Variants in RAVER1 observed in about 807,000 individuals in gnomAD.
RAVER1 encodes the protein ribonucleoprotein PTB-binding 1.
Under a neutral mutation model 68.4 loss-of-function variants are expected in RAVER1, and 36 were observed. The observed-to-expected ratio is 0.53, with a 90% confidence interval of 0.40 to 0.70. RAVER1 has a LOEUF of 0.70. Ranked by LOEUF, RAVER1 falls within the 30% of genes least tolerant of loss-of-function variation. The pLI, the probability that RAVER1 is intolerant of heterozygous loss-of-function variation, is 0.00. For missense variants in RAVER1, 933 were observed against 1,019.8 expected (o/e 0.91, Z 1.16); for synonymous variants, 469 against 472.7 (o/e 0.99, Z 0.10).
rs762970004 is a variant in RAVER1, at chr19:10,320,893, T to A, written c.1532A>T (p.Asn511Ile). ...GCTGGCCGGGAGCAGGCTGTGTAGG[T>A]TCAGGTAGGGATTCAGGGGAATCCG... The part of the protein sequence containing the change: ...DYRIPLNPYL[N>I]LHSLLPASNL... Residue 511 changes from asparagine to isoleucine, a missense_variant, in exon 9 of 13, where the codon AAC becomes ATC. Coordinates refer to ENST00000617231, the MANE Select transcript of RAVER1 (RefSeq NM_133452.3). The A allele has an allele frequency of 6.6e-7, 1 of 1,513,804 alleles. No individual in the cohort carries two copies. The highest frequency in any genetic ancestry group is 1.3e-5 in the South Asian group (1 of 74,926). 93.8% of individuals were successfully genotyped at this position (1,513,804 alleles called of 1,614,324 possible).
In RAVER1 at chr19:10,328,716, G is replaced by T; in HGVS notation, c.682C>A (p.Leu228Met). Residue 228 changes from leucine to methionine, a missense_variant, in exon 3 of 13, where the codon CTG (leucine) becomes ATG (methionine). Leu to Met is a conservative substitution (Grantham distance 15, BLOSUM62 2). This residue lies in a region of RAVER1 where 699 missense variants were observed against 731.1 expected (regional missense o/e 0.96). Coordinates refer to ENST00000617231, the MANE Select transcript of RAVER1 (RefSeq NM_133452.3). This position sits in a 1 kb window ranked among gnomAD's most constrained non-coding sequence, Gnocchi z 4.4. ...TCCACATCGTTGAAGCCAGGTGGCAGGCGGTCCACACAGAGGCAGCGGGAG... is the reference window on the plus strand; with the variant it reads ...TCCACATCGTTGAAGCCAGGTGGCATGCGGTCCACACAGAGGCAGCGGGAG... ...LHSRCLCVDR[L>M]PPGFNDVDAL... The T allele has an allele frequency of 6.2e-7, 1 of 1,610,420 alleles. No individual in the cohort carries two copies. The highest frequency in any genetic ancestry group is 8.5e-7 in the Non-Finnish European group (1 of 1,178,826).
chr19:10,321,605 A>T lies in RAVER1; in HGVS notation c.1187T>A (p.Leu396Gln). The T allele has an allele frequency of 7.1e-7, 1 of 1,411,794 alleles. No individual in the cohort carries two copies. Among genetic ancestry groups the T allele is most frequent in the Non-Finnish European group, 9.3e-7 (1 of 1,078,616 alleles). The allele number at this position is 1,411,794 out of a possible 1,614,324, so 87.5% of individuals were successfully genotyped here. Residue 396 changes from leucine (L) to glutamine (Q), a missense_variant, in exon 7 of 13, where the codon CTG becomes CAG. Coordinates refer to ENST00000617231, the MANE Select transcript of RAVER1 (RefSeq NM_133452.3). ...GAGGGCGCCCAGGGGTGAGTCTCCC[A>T]GGATGCCGGGCTTCTAGGGACAGAG... ...QTQGQKKPGI[L>Q]GDSPLGALQP... is the part of the protein sequence containing the mutation.
chr19:10,318,520 A>G (rs2040412123), intron 10 of RAVER1, 148 bp from the exon 11 acceptor site: 3 of 608,580 alleles, frequency 4.9e-6, no homozygotes, highest in South Asian at 2.1e-5. Flanking sequence ...CACCATGCCC[A>G]GCTAATTTTT....
At position 10,321,043 on chromosome 19, in the gene RAVER1, CT is replaced by C; in HGVS notation, c.1473+4del. On this transcript the variant is annotated splice_donor_region_variant and intron_variant, in intron 8 of 12. Coordinates refer to ENST00000617231, the MANE Select transcript of RAVER1 (RefSeq NM_133452.3). ...TGTGGTGCCGCGCGCAGGGCAGGGC[CT>C]TACCCCAGGGGGCGTCGGCAGAGGC... 1 of 1,411,218 alleles carries C rather than the reference CT, an allele frequency of 7.1e-7. No homozygotes were observed. Among genetic ancestry groups the C allele is most frequent in the South Asian group, 1.7e-5 (1 of 57,664 alleles). 87.4% of individuals were successfully genotyped at this position (1,411,218 alleles called of 1,614,324 possible).
In RAVER1 at chr19:10,328,324, G is replaced by T. The variant is rs2040489365; in HGVS notation, c.756+318C>A. ...CACGCATGTAATCCCAGCACTTTGG[G>T]AGGATCACCTGAGGCCAGGAGTTCA... On this transcript the variant is annotated intron_variant, in intron 3 of 12. Coordinates refer to ENST00000617231, the MANE Select transcript of RAVER1 (RefSeq NM_133452.3). The surrounding 1 kb of genome is among the most constrained non-coding windows in gnomAD (Gnocchi z 4.4). Among the ~76,000 whole-genome samples the T allele has an allele frequency of 6.6e-6, 1 of 152,194 alleles. No homozygotes were observed.
intron 11 of RAVER1, 49 bp downstream of exon 11, chr19:10,318,180 A>C (rs2040407882): frequency 2.6e-6 from 4 of 1,526,206 alleles, no homozygotes; most frequent in Admixed American, 2.2e-5. Flanking sequence ...GGCACCCCCA[A>C]ATCCTAGCTG....
In RAVER1 at chr19:10,316,405, G is replaced by A; in HGVS notation, c.*1049C>T. ...GTCGACAGGTCCTGCTGGTGGGCGG[G>A]CCCAGAGTTTATCTTCATGGAGTGC... On this transcript the variant is annotated 3_prime_UTR_variant, in exon 13 of 13. Transcript: ENST00000617231. The A allele has an allele frequency of 9.7e-7, 1 of 1,035,068 alleles. No individual in the cohort carries two copies. Among genetic ancestry groups the A allele is most frequent in the Non-Finnish European group, 1.2e-6 (1 of 861,712 alleles). 64.1% of individuals were successfully genotyped at this position (1,035,068 alleles called of 1,614,324 possible). A position where few individuals can be genotyped will look rare whatever the true frequency, so the allele number is the denominator to read the frequency against.
At position 10,322,666 on chromosome 19, in the gene RAVER1, G is replaced by A. The variant is rs779732118; in HGVS notation, c.1152C>T (p.Ala384=). ...TTACCTTCTGGCCCTGGGTCTGCAG[G>A]GCGAGCTGCAACAGCGCCGTGGACA... ...PALSTALLQL[A]LQTQGQKKPG... Residue 384 remains alanine (A), a synonymous_variant, in exon 6 of 13, where the codon GCC becomes GCT. Transcript: ENST00000617231. The surrounding 1 kb of genome is among the most constrained non-coding windows in gnomAD (Gnocchi z 4.3). The A allele has an allele frequency of 5.2e-6, 8 of 1,544,482 alleles. No homozygotes were observed. In the South Asian group the frequency reaches 8.8e-5, roughly 17 times the overall value.
intron 3 of RAVER1, among the ~76,000 whole-genome samples, chr19:10,324,188 G>A (rs78439352): frequency 0.059 from 8,996 of 151,788 alleles, 323 homozygotes; most frequent in African/African-American, 0.1. Flanking sequence ...AATCAGCAAC[G>A]GGTGGGGAAG....
chr19:10,328,749 G>T lies in RAVER1; in HGVS notation c.649C>A (p.Leu217Ile). 6.2e-7 allele frequency: 1 copy of T among 1,612,720 alleles called. No individual in the cohort carries two copies. Among genetic ancestry groups the T allele is most frequent in the South Asian group, 1.1e-5 (1 of 91,042 alleles). The change falls in exon 3 of 13, where the codon CTT becomes ATT. Residue 217 changes from leucine (L) to isoleucine (I), a missense_variant. Around this residue, in one of 3 missense-constraint regions of RAVER1, gnomAD observed 699 missense variants for 731.1 expected, o/e 0.96. Transcript: ENST00000617231. This position sits in a 1 kb window ranked among gnomAD's most constrained non-coding sequence, Gnocchi z 4.4. ...ACACAGAGGCAGCGGGAGTGGAGAAGGGCAGGCGTCAGTTGCCCGGCATCC... is the reference window on the plus strand; with the variant it reads ...ACACAGAGGCAGCGGGAGTGGAGAATGGCAGGCGTCAGTTGCCCGGCATCC... ...WTDAGQLTPA[L>I]LHSRCLCVDR...
intron 11 of RAVER1, 151 bp downstream of exon 11, chr19:10,318,078 T>C (rs2040406730): frequency 9.2e-6 from 6 of 652,338 alleles, no homozygotes; most frequent in South Asian, 3.9e-5. Context: ...TGGAGGACAA[T>C]AGGCTGTTGC....
At position 10,329,514 on chromosome 19, in the gene RAVER1, C is replaced by T. The variant is rs1331239768; in HGVS notation, c.287-403G>A. ...ATCTCTCAAATGGATATAACTTAAT[C>T]ATCACAATCACCATTTTGCCAGAGA... is the stretch of plus-strand genomic sequence containing the variant. On this transcript the variant is annotated intron_variant, in intron 2 of 12. Coordinates refer to ENST00000617231, the MANE Select transcript of RAVER1 (RefSeq NM_133452.3). The surrounding 1 kb of genome is among the most constrained non-coding windows in gnomAD (Gnocchi z 4.6). 6.6e-6 allele frequency among the ~76,000 whole-genome samples: 1 copy of T among 152,168 alleles called. No homozygotes were observed. Among genetic ancestry groups the T allele is most frequent in the African/African-American group, 2.4e-5 (1 of 41,432 alleles).
chr19:10,331,319 C>T (rs1211902201), intron 1 of RAVER1, among the ~76,000 whole-genome samples: 4 of 132,508 alleles, frequency 3.0e-5, no homozygotes, highest in East Asian at 2.3e-4. Context: ...CACTGCAGTC[C>T]GCAGTCCAGC....
At position 10,333,155 on chromosome 19, in the gene RAVER1, T is replaced by G; in HGVS notation, c.219+134A>C. ...ACGTCCCGCTCTTGGTCTCTCCCGA[T>G]CCCGCGTGGATCCGGTGCTTGGGCG... On this transcript the variant is annotated intron_variant, in intron 1 of 12. Transcript: ENST00000617231. This position sits in a 1 kb window ranked among gnomAD's most constrained non-coding sequence, Gnocchi z 4.2. 1 of 850,028 alleles carries G rather than the reference T, an allele frequency of 1.2e-6. No individual in the cohort carries two copies. Among genetic ancestry groups the G allele is most frequent in the Non-Finnish European group, 1.8e-6 (1 of 560,314 alleles). The allele number at this position is 850,028 out of a possible 1,614,324, so 52.7% of individuals were successfully genotyped here.
chr19:10,321,299 G>T, intron 7 of RAVER1, 40 bp from the exon 8 acceptor site: 1 of 1,081,790 alleles, frequency 9.2e-7, no homozygotes, highest in Non-Finnish European at 1.2e-6. Flanking sequence ...CAGGCTCACA[G>T]GACCCCTCTC....
chr19:10,320,620 C>T (rs756693627), intron 9 of RAVER1, 35 bp downstream of exon 9: 2 of 1,519,726 alleles, frequency 1.3e-6, no homozygotes, highest in Non-Finnish European at 1.8e-6. Flanking sequence ...AATGATTTGG[C>T]CTTAGGGGAC....
Position 10,317,370 on chromosome 19 carries a change from G to A in RAVER1, c.*84C>T. 1 of 1,426,514 alleles carries A rather than the reference G, an allele frequency of 7.0e-7. No homozygotes were observed. Among genetic ancestry groups the A allele is most frequent in the African/African-American group, 1.4e-5 (1 of 70,440 alleles). 88.4% of individuals were successfully genotyped at this position (1,426,514 alleles called of 1,614,324 possible). On this transcript the variant is annotated 3_prime_UTR_variant, in exon 13 of 13. Transcript: ENST00000617231. The surrounding 1 kb of genome is among the most constrained non-coding windows in gnomAD (Gnocchi z 4.3). ...TTCTATTACCGAAAGAGAGAAAATG[G>A]TTTAAAAAAAACACAAAACAAAACA... is the stretch of plus-strand genomic sequence containing the variant.
At chr19:10,319,335 T>A in intron 9 of RAVER1, 95 bp from the exon 10 acceptor site, 1 of 1,247,666 alleles carries the variant, frequency 8.0e-7, no homozygotes, top group Non-Finnish European at 1.1e-6. Context: ...GGGAAGACAG[T>A]CCCCACCACT....
Position 10,323,134 on chromosome 19 carries a change from C to T in RAVER1, c.1078+11G>A, listed in dbSNP as rs777288799. The T allele has an allele frequency of 8.3e-6, 13 of 1,573,422 alleles. No individual in the cohort carries two copies. Among genetic ancestry groups the T allele is most frequent in the South Asian group, 2.3e-5 (2 of 86,416 alleles). On this transcript the variant is annotated intron_variant, in intron 5 of 12. Coordinates refer to ENST00000617231, the MANE Select transcript of RAVER1 (RefSeq NM_133452.3). The surrounding 1 kb of genome is among the most constrained non-coding windows in gnomAD (Gnocchi z 6.2). ...TCTGCACAGTGGGGCCCCTGTCCAG[C>T]CCCACCTTACCCTGCTTCCCCCCCG...
Sources: gnomAD v4.1 joint callset for allele counts (sites outside exome capture counted in the v4.1 genomes callset) on GRCh38, gnomAD v4.1.1 for gene constraint, gnomAD v4.1.1 regional missense constraint, Gnocchi (gnomAD v3.1) non-coding constraint, MANE v1.5 for transcripts, NCBI Gene and HGNC (gene_info 2026-07-23, HGNC 2026-07-21) for gene names.